Variants in MED22 observed in about 807,000 individuals in gnomAD.
MED22 encodes mediator complex subunit 22, also known as mediator of RNA polymerase II transcription subunit 22.
A neutral mutation model predicts 22.7 loss-of-function variants in MED22; 22 were observed. The observed-to-expected ratio is 0.97, with a 90% CI of 0.69 to 1.38. MED22 has a LOEUF of 1.38. Among genes scored for constraint, MED22 ranks in the 40% most tolerant of loss-of-function variants. MED22 has a pLI of 0.00. For missense variants in MED22, 247 were observed against 263.0 expected, an observed-to-expected ratio of 0.94 and a Z score of 0.42; for synonymous variants, 134 against 119.4, an observed-to-expected ratio of 1.12 and a Z score of -0.80.
In MED22 at chr9:133,338,597, C is replaced by T. The variant is rs1372419123; in HGVS notation, c.*2908G>A. 1 of 191,146 alleles carries T rather than the reference C, an allele frequency of 5.2e-6. No individual in the cohort carries two copies. The allele number at this position is 191,146 out of a possible 1,614,324, so 11.8% of individuals were successfully genotyped here. ...CTGGGATTACAGGCGTGAGCCACCG[C>T]GCCCGGCCAATTTCTATACTTTTTA... On this transcript the variant is annotated 3_prime_UTR_variant, in exon 5 of 5. Transcript: ENST00000343730.
chr9:133,341,731 G>A (rs1030763244), intron 4 of MED22, 37 bp from the exon 5 acceptor site: 2 of 1,588,488 alleles, frequency 1.3e-6, no homozygotes, highest in African/African-American at 1.4e-5. Flanking sequence ...AGAGACAGGA[G>A]CAGGCAGAGA....
At chr9:133,343,421 C>G (rs1836073817) in intron 4 of MED22, 2 of 1,226,318 alleles carry the variant, frequency 1.6e-6, no homozygotes, top group South Asian at 8.3e-5. Context: ...GCCCCTCCAG[C>G]TCAAACGGTC....
rs962935695 is a variant in MED22, at chr9:133,339,864, G to C, written c.*1641C>G. 1.3e-5 allele frequency: 2 copies of C among 154,244 alleles called. No homozygotes were observed. Among genetic ancestry groups the C allele is most frequent in the Non-Finnish European group, 2.9e-5 (2 of 69,498 alleles). 9.6% of individuals were successfully genotyped at this position (154,244 alleles called of 1,614,324 possible). On this transcript the variant is annotated 3_prime_UTR_variant, in exon 5 of 5. Transcript: ENST00000343730. ...CTTCCCCGTGGAGCTCTGCTGCCAA[G>C]GCCATGAGCTGGAGAGGAAAAAAGG...
chr9:133,341,376 G>A lies in MED22; in HGVS notation c.*129C>T. 6 of 1,046,118 alleles carry A rather than the reference G, an allele frequency of 5.7e-6. No individual in the cohort carries two copies. The highest frequency in any genetic ancestry group is 1.7e-5 in the African/African-American group (1 of 58,976). 64.8% of individuals were successfully genotyped at this position (1,046,118 alleles called of 1,614,324 possible). A position where few individuals can be genotyped will look rare whatever the true frequency, so the allele number is the denominator to read the frequency against. On this transcript the variant is annotated 3_prime_UTR_variant, in exon 5 of 5. Coordinates refer to ENST00000343730, the MANE Select transcript of MED22 (RefSeq NM_133640.5). ...ACCCTGGGCTAACGGGCTTCCCAAG[G>A]AAGTCCTAGTGGCTCTGGGGTCCTG...
rs1464918041 is a variant in MED22 at position 133,341,844 on chromosome 9, C to T, written c.414-150G>A. 5.0e-6 allele frequency: 7 copies of T among 1,402,374 alleles called. No individual in the cohort carries two copies. In the East Asian group the frequency reaches 1.8e-4, roughly 36 times the overall value. 86.9% of individuals were successfully genotyped at this position (1,402,374 alleles called of 1,614,324 possible). On this transcript the variant is annotated intron_variant, in intron 4 of 4. Coordinates refer to ENST00000343730, the MANE Select transcript of MED22 (RefSeq NM_133640.5). The stretch of plus-strand genomic sequence containing the variant: ...TTCTCCACTCCTGCTCCATCTGTCC[C>T]CTGAGTTGGCAGGCCTGGCAAGGAG...
In MED22 at chr9:133,339,075, A is replaced by G; in HGVS notation, c.*2430T>C. ...AAACATGCAGTTGTTCCTTTGGCCA[A>G]GTATATGCAAATTGATGAGAAAGGT... On this transcript the variant is annotated 3_prime_UTR_variant, in exon 5 of 5. Transcript: ENST00000343730. 1 of 686,296 alleles carries G rather than the reference A, an allele frequency of 1.5e-6. No individual in the cohort carries two copies. The highest frequency in any genetic ancestry group is 2.7e-6 in the Non-Finnish European group (1 of 369,228). 42.5% of individuals were successfully genotyped at this position (686,296 alleles called of 1,614,324 possible).
In MED22 at chr9:133,341,572, C is replaced by A. The variant is rs2129949181; in HGVS notation, c.536G>T (p.Gly179Val). 4.4e-6 allele frequency: 7 copies of A among 1,573,940 alleles called. No individual in the cohort carries two copies. Among genetic ancestry groups the A allele is most frequent in the Non-Finnish European group, 5.1e-6 (6 of 1,165,268 alleles). Reference protein sequence around the residue: ...PLLASPEPSAGPLQVAAPAHS... With the variant: ...PLLASPEPSAVPLQVAAPAHS... ...GGCAGGGGCTGCCACCTGTAGGGGG[C>A]CAGCACTGGGCTCCGGGGACGCCAG... is the stretch of plus-strand genomic sequence containing the variant. Residue 179 changes from glycine (G) to valine (V), a missense_variant, in exon 5 of 5, where the codon GGC becomes GTC. Transcript: ENST00000343730.
rs1371281129 is a variant in MED22 at position 133,338,825 on chromosome 9, C to T, written c.*2680G>A. On this transcript the variant is annotated 3_prime_UTR_variant, in exon 5 of 5. Coordinates refer to ENST00000343730, the MANE Select transcript of MED22 (RefSeq NM_133640.5). ...AACTTCTGACCACAAGTGATCCACC[C>T]GCTTTGGCTTCTCAAAGTGCTGGGA... The T allele has an allele frequency of 1.3e-5, 5 of 389,498 alleles. No individual in the cohort carries two copies. The highest frequency in any genetic ancestry group is 2.0e-5 in the Non-Finnish European group (4 of 201,602). 24.1% of individuals were successfully genotyped at this position (389,498 alleles called of 1,614,324 possible). A position where few individuals can be genotyped will look rare whatever the true frequency, so the allele number is the denominator to read the frequency against.
At position 133,339,810 on chromosome 9, in the gene MED22, AAG is replaced by A. The variant is rs1835965229; in HGVS notation, c.*1693_*1694del. 1 of 164,204 alleles carries A rather than the reference AAG, an allele frequency of 6.1e-6. No individual in the cohort carries two copies. The highest frequency in any genetic ancestry group is 6.2e-5 in the Admixed American group (1 of 16,196). The allele number at this position is 164,204 out of a possible 1,614,324, so 10.2% of individuals were successfully genotyped here. A position where few individuals can be genotyped will look rare whatever the true frequency, so the allele number is the denominator to read the frequency against. ...GACAAAACCTGTCTGACGTAGGCCC[AAG>A]AGAGAACTGCAAATGGTTATCAGCT... On this transcript the variant is annotated 3_prime_UTR_variant, in exon 5 of 5. Transcript: ENST00000343730.
chr9:133,347,108 G>A (rs1836208055), intron 1 of MED22: 1 of 169,852 alleles, frequency 5.9e-6, no homozygotes, highest in Non-Finnish European at 1.3e-5. Context: ...CCTCTGCACC[G>A]CCTACATCCA....
At chr9:133,342,228 C>T in intron 4 of MED22, 4 of 986,606 alleles carry the variant, frequency 4.1e-6, no homozygotes, top group Non-Finnish European at 4.8e-6. Flanking sequence ...GCCAGGCGGC[C>T]TCCAGCAGGC....
At chr9:133,343,919 T>G (rs1836091803) in intron 4 of MED22, 1 of 1,434,562 alleles carries the variant, frequency 7.0e-7, no homozygotes, top group African/African-American at 1.4e-5. Context: ...CACATTGCAC[T>G]GTGGGAAAGG....
intron 4 of MED22, chr9:133,343,798 G>C (rs149450027): frequency 1.6e-5 from 22 of 1,387,272 alleles, no homozygotes; most frequent in Middle Eastern, 2.6e-4. Context: ...GCCCCAGAAC[G>C]CACTGCCCGA....
chr9:133,342,319 G>A lies in MED22; in HGVS notation c.414-625C>T, dbSNP rs2129952814. ...TCAGCTAGCCCTTCCCATGCCCGCAGCTGTGACAATCCACGCTCGCCTCTT... is the reference window on the plus strand; with the variant it reads ...TCAGCTAGCCCTTCCCATGCCCGCAACTGTGACAATCCACGCTCGCCTCTT... On this transcript the variant is annotated intron_variant, in intron 4 of 4. Transcript: ENST00000343730. 1,110 of 986,126 alleles carry A rather than the reference G, an allele frequency of 1.1e-3. 1 individual carries two copies. Among genetic ancestry groups the A allele is most frequent in the Non-Finnish European group, 1.2e-3 (1,036 of 830,166 alleles). The allele number at this position is 986,126 out of a possible 1,614,324, so 61.1% of individuals were successfully genotyped here.
In MED22 at chr9:133,339,503, GA is replaced by G. The variant is rs587699616; in HGVS notation, c.*2001del. 111 of 616,396 alleles carry G rather than the reference GA, an allele frequency of 1.8e-4. 1 individual carries two copies. Among genetic ancestry groups the G allele is most frequent in the African/African-American group, 1.1e-3 (58 of 52,938 alleles). 38.2% of individuals were successfully genotyped at this position (616,396 alleles called of 1,614,324 possible). ...AAATAAAAGACCTCTGGACTAGAAA[GA>G]AAAAAAATAGGCATTAAAAAAACTA... is the stretch of plus-strand genomic sequence containing the variant. On this transcript the variant is annotated 3_prime_UTR_variant, in exon 5 of 5. Transcript: ENST00000343730.
chr9:133,339,534 G>C lies in MED22; in HGVS notation c.*1971C>G, dbSNP rs2129943103. The C allele has an allele frequency of 1.3e-4, 71 of 541,630 alleles. 1 individual carries two copies. Among genetic ancestry groups the C allele is most frequent in the Non-Finnish European group, 2.3e-4 (68 of 300,548 alleles). The allele number at this position is 541,630 out of a possible 1,614,324, so 33.6% of individuals were successfully genotyped here. On this transcript the variant is annotated 3_prime_UTR_variant, in exon 5 of 5. Coordinates refer to ENST00000343730, the MANE Select transcript of MED22 (RefSeq NM_133640.5). ...AAATAGGCATTAAAAAAACTATTTGGGGAACAACTGAAGAAATCTGAATAC... is the reference window on the plus strand; with the variant it reads ...AAATAGGCATTAAAAAAACTATTTGCGGAACAACTGAAGAAATCTGAATAC...
chr9:133,342,005 C>T, intron 4 of MED22: 1 of 1,159,134 alleles, frequency 8.6e-7, no homozygotes, highest in East Asian at 6.7e-5. Context: ...CTATGCCTCC[C>T]AGCTGGTGCT....
rs1432322496 is a variant in MED22, at chr9:133,339,111, A to G, written c.*2394T>C. The G allele has an allele frequency of 1.0e-5, 7 of 672,406 alleles. No individual in the cohort carries two copies. Among genetic ancestry groups the G allele is most frequent in the Middle Eastern group, 2.6e-4 (1 of 3,914 alleles). The allele number at this position is 672,406 out of a possible 1,614,324, so 41.7% of individuals were successfully genotyped here. ...ATTGATGAGAAAGGTGATATTGTAG[A>G]TATCAAGGGAATGGGTACTGTTCAA... On this transcript the variant is annotated 3_prime_UTR_variant, in exon 5 of 5. Transcript: ENST00000343730.
chr9:133,343,959 G>T (rs1443745323), intron 4 of MED22, 166 bp downstream of exon 4: 1 of 1,454,698 alleles, frequency 6.9e-7, no homozygotes, highest in Non-Finnish European at 9.0e-7. Flanking sequence ...GATGTGAATT[G>T]TCTGTCGGTC....
Sources: gnomAD v4.1 joint callset for allele counts on GRCh38, gnomAD v4.1.1 for gene constraint, MANE v1.5 for transcripts, NCBI Gene and HGNC (gene_info 2026-07-23, HGNC 2026-07-21) for gene names.